PPP4R4: variants seen among roughly 807,000 people sequenced by gnomAD.
PPP4R4 encodes the protein serine/threonine-protein phosphatase 4 regulatory subunit 4.
Under a neutral mutation model 121.8 loss-of-function variants are expected in PPP4R4, and 70 were observed. The observed-to-expected ratio is 0.57, with a 90% CI of 0.47 to 0.70. PPP4R4 has a LOEUF of 0.70. PPP4R4 is among the 30% of genes least tolerant of loss of function. The pLI is 0.00. For synonymous variants in PPP4R4, 348 were observed against 355.7 expected (o/e 0.98, Z 0.24); for missense variants, 875 against 1,033.6 (o/e 0.85, Z 2.10).
chr14:94,182,575 T>C (rs1045332129), intron 2 of PPP4R4, among the ~76,000 whole-genome samples: 2 of 152,196 alleles, frequency 1.3e-5, no homozygotes, highest in Non-Finnish European at 2.9e-5. Flanking sequence ...AAAAAAGAGA[T>C]TTATCCATAT....
Position 94,200,804 on chromosome 14 carries a change from TA to T in PPP4R4, c.192-7659del, listed in dbSNP as rs771531516. Among the ~76,000 whole-genome samples the T allele has an allele frequency of 3.3e-3, 167 of 50,700 alleles. 4 individuals are homozygous for T. The highest frequency in any genetic ancestry group is 1.0e-2 in the Non-Finnish European group (112 of 11,238). 33.3% of individuals were successfully genotyped at this position (50,700 alleles called of 152,430 possible). On this transcript the variant is annotated intron_variant, in intron 2 of 24. Transcript: ENST00000304338. ...AGCTTTTTGTTTCACTTATCTTTTG[TA>T]TTTTTTTTTTGTTTCCCTTTCATTT... is the stretch of plus-strand genomic sequence containing the variant.
At chr14:94,242,480 C>A in intron 11 of PPP4R4, 72 bp downstream of exon 11, 2 of 1,434,582 alleles carry the variant, frequency 1.4e-6, no homozygotes, top group Non-Finnish European at 9.7e-7. Context: ...TGATTTTGTG[C>A]TTATAGATTA....
At chr14:94,227,406 GTT>G (rs1398815216) in intron 3 of PPP4R4, 1 of 1,599,370 alleles carries the variant, frequency 6.3e-7, no homozygotes, top group Non-Finnish European at 8.5e-7. Context: ...ATTGTATTAT[GTT>G]TCAGAAAAAT....
chr14:94,186,160 A>G (rs1028275125), intron 2 of PPP4R4, among the ~76,000 whole-genome samples: 33 of 152,342 alleles, frequency 2.2e-4, no homozygotes, highest in African/African-American at 7.7e-4. Context: ...TATTTAAACC[A>G]TGTAATTTAA....
intron 2 of PPP4R4, among the ~76,000 whole-genome samples, chr14:94,178,148 G>A (rs1021839636): frequency 8.5e-5 from 13 of 152,124 alleles, no homozygotes; most frequent in African/African-American, 3.1e-4. Flanking sequence ...TCATAGAGAT[G>A]TTCTGAACTT....
intron 16 of PPP4R4, among the ~76,000 whole-genome samples, chr14:94,254,076 T>C (rs1893333548): frequency 6.6e-6 from 1 of 152,196 alleles, no homozygotes; most frequent in African/African-American, 2.4e-5. Flanking sequence ...TATAAAGTAT[T>C]CTGAGGTACA....
intron 9 of PPP4R4, among the ~76,000 whole-genome samples, chr14:94,241,548 C>T (rs1892635283): frequency 6.6e-6 from 1 of 151,922 alleles, no homozygotes. Flanking sequence ...GCTACAGTTC[C>T]TGCGTTATGT....
In PPP4R4 at chr14:94,176,045, C is replaced by T. The variant is rs746300133; in HGVS notation, c.118-9C>T. 1.2e-6 allele frequency: 2 copies of T among 1,608,360 alleles called. No homozygotes were observed. Among genetic ancestry groups the T allele is most frequent in the East Asian group, 2.2e-5 (1 of 44,848 alleles). On this transcript the variant is annotated splice_polypyrimidine_tract_variant and intron_variant, in intron 1 of 24. Transcript: ENST00000304338. ...TGTGGTGCATAAATGTGTATTTTAC[C>T]CTTGACAGACACCGGAAGAAATAGA...
intron 2 of PPP4R4, among the ~76,000 whole-genome samples, chr14:94,191,909 T>C (rs966303783): frequency 3.9e-5 from 6 of 152,144 alleles, no homozygotes; most frequent in Non-Finnish European, 8.8e-5. Flanking sequence ...ATGATGGCTA[T>C]AGGCTATGGA....
At chr14:94,237,453 CTT>C (rs766505692) in intron 7 of PPP4R4, 110 bp from the exon 8 acceptor site, 920 of 984,148 alleles carry the variant, frequency 9.3e-4, no homozygotes, top group Non-Finnish European at 1.2e-3. Context: ...GGAACAGTAT[CTT>C]TATGATTTTT....
intron 2 of PPP4R4, among the ~76,000 whole-genome samples, chr14:94,189,176 T>C (rs1889459268): frequency 6.6e-6 from 1 of 152,186 alleles, no homozygotes; most frequent in African/African-American, 2.4e-5. Context: ...TTGCTCTTGC[T>C]TTGTGGAGAT....
chr14:94,181,004 C>G (rs1888955751), intron 2 of PPP4R4, among the ~76,000 whole-genome samples: 1 of 152,012 alleles, frequency 6.6e-6, no homozygotes, highest in Non-Finnish European at 1.5e-5. Context: ...AGGAAGAACT[C>G]CAGTGATTAA....
At chr14:94,244,599 C>T in intron 11 of PPP4R4, 36 bp from the exon 12 acceptor site, 1 of 1,421,424 alleles carries the variant, frequency 7.0e-7, no homozygotes, top group Non-Finnish European at 9.5e-7. Context: ...CTGTCTAGTA[C>T]TCTCAAATCT....
intron 11 of PPP4R4, among the ~76,000 whole-genome samples, chr14:94,243,231 G>C (rs962468807): frequency 6.6e-6 from 1 of 151,938 alleles, no homozygotes; most frequent in Admixed American, 6.6e-5. Flanking sequence ...GCTTTTTCTG[G>C]TATGAAAATA....
intron 1 of PPP4R4, 81 bp from the exon 2 acceptor site, chr14:94,175,973 T>C: frequency 2.8e-6 from 3 of 1,064,458 alleles, no homozygotes; most frequent in Non-Finnish European, 4.4e-6. Flanking sequence ...TCGTTTATCC[T>C]CATAGAGGGT....
chr14:94,270,281 T>A (rs185003356), intron 23 of PPP4R4, among the ~76,000 whole-genome samples: 7 of 152,324 alleles, frequency 4.6e-5, no homozygotes, highest in Admixed American at 1.3e-4. Context: ...TTGAAAAACT[T>A]AATATTGTTC....
intron 3 of PPP4R4, among the ~76,000 whole-genome samples, chr14:94,220,205 A>C (rs1290060084): frequency 6.6e-6 from 1 of 152,194 alleles, no homozygotes. Context: ...TGGGCAGCAG[A>C]GCGAGACTCC....
chr14:94,192,474 T>C (rs1169629401), intron 2 of PPP4R4, among the ~76,000 whole-genome samples: 1 of 152,168 alleles, frequency 6.6e-6, no homozygotes, highest in Non-Finnish European at 1.5e-5. Context: ...TTAATTTGAG[T>C]AAGGAAATAA....
intron 23 of PPP4R4, among the ~76,000 whole-genome samples, chr14:94,274,802 A>G (rs1227935430): frequency 6.6e-6 from 1 of 152,218 alleles, no homozygotes; most frequent in Non-Finnish European, 1.5e-5. Context: ...ACTGAGAAGA[A>G]ACTAAAACAT....
Sources: allele counts gnomAD v4.1 joint callset (sites outside exome capture counted in the v4.1 genomes callset), GRCh38; gene constraint gnomAD v4.1.1; transcripts MANE v1.5; gene names NCBI Gene and HGNC (gene_info 2026-07-23, HGNC 2026-07-21).